The following GIGYF2 variants were observed in gnomAD, a reference collection of about 807,000 sequenced individuals.
GIGYF2 encodes the protein GRB10-interacting GYF protein 2.
Under a neutral mutation model 208.1 loss-of-function variants are expected in GIGYF2, and 25 were observed. The ratio of observed to expected loss-of-function variants is 0.12; its 90% CI spans 0.09 to 0.17. The LOEUF is 0.17. Among genes scored for constraint, GIGYF2 ranks in the 10% least tolerant of loss-of-function variants. The pLI, the probability that GIGYF2 is intolerant of heterozygous loss-of-function variation, is 1.00. For missense variants in GIGYF2, 1,302 were observed against 1,579.4 expected, an observed-to-expected ratio of 0.82 and a Z score of 2.98; for synonymous variants, 534 against 543.8, an observed-to-expected ratio of 0.98 and a Z score of 0.25.
At chr2:232,817,212 T>C (rs1033763419) in intron 20 of GIGYF2, among the ~76,000 whole-genome samples, 180 bp downstream of exon 20, 1 of 152,220 alleles carries the variant, frequency 6.6e-6, no homozygotes, top group African/African-American at 2.4e-5. Flanking sequence ...AGGGATATTC[T>C]TCAGTCCTAG....
intron 2 of GIGYF2, among the ~76,000 whole-genome samples, chr2:232,710,692 CTTT>C (rs35154227): frequency 8.8e-6 from 1 of 113,938 alleles, no homozygotes; most frequent in South Asian, 3.0e-4. Flanking sequence ...TCTTGGTGTT[CTTT>C]TTTTTTTTTT....
At chr2:232,812,201 T>C (rs374225388) in intron 17 of GIGYF2, among the ~76,000 whole-genome samples, 190 bp from the exon 18 acceptor site, 1 of 152,172 alleles carries the variant, frequency 6.6e-6, no homozygotes, top group East Asian at 1.9e-4. Context: ...ATTCCAGAAG[T>C]GTGATCATTG....
chr2:232,768,804 A>G, intron 8 of GIGYF2: 1 of 1,605,686 alleles, frequency 6.2e-7, no homozygotes, highest in Non-Finnish European at 8.5e-7. Flanking sequence ...AATCTTCGCC[A>G]CAAAAGCACC....
chr2:232,729,658 T>C, intron 2 of GIGYF2: 1 of 981,240 alleles, frequency 1.0e-6, no homozygotes. Context: ...TAATTCTGTA[T>C]CCCACTTGAA....
At chr2:232,733,863 A>G (rs962764923) in intron 2 of GIGYF2, among the ~76,000 whole-genome samples, 2 of 152,204 alleles carry the variant, frequency 1.3e-5, no homozygotes, top group Admixed American at 6.5e-5. Flanking sequence ...GTGTCTATAC[A>G]TGTTGGTACA....
chr2:232,731,869 A>T (rs2106290685), intron 2 of GIGYF2, among the ~76,000 whole-genome samples: 1 of 137,524 alleles, frequency 7.3e-6, no homozygotes, highest in Non-Finnish European at 1.6e-5. Context: ...TGTTAGAATT[A>T]TTTTATATTT....
intron 1 of GIGYF2, among the ~76,000 whole-genome samples, chr2:232,701,112 G>C (rs1412393116): frequency 1.3e-5 from 2 of 152,096 alleles, no homozygotes; most frequent in African/African-American, 4.8e-5. Flanking sequence ...GTTGAAAGCA[G>C]AAAGAGGTTT....
At position 232,787,240 on chromosome 2, in the gene GIGYF2, G is replaced by C; in HGVS notation, c.623G>C (p.Arg208Thr). Residue 208 changes from arginine (R) to threonine (T), a missense_variant, in exon 9 of 29, where the codon AGA (arginine) becomes ACA (threonine). Coordinates refer to ENST00000373563, the MANE Select transcript of GIGYF2 (RefSeq NM_001103146.3). ...RSESENWRIFREEQNGEDEDG... is the reference protein window; with the variant it reads ...RSESENWRIFTEEQNGEDEDG... Reference sequence around the variant, plus strand: ...GAAAGTGAAAATTGGCGCATCTTTAGAGAGGAACAAAATGGAGAAGATGAA... The same window carrying C: ...GAAAGTGAAAATTGGCGCATCTTTACAGAGGAACAAAATGGAGAAGATGAA... 6.2e-7 allele frequency: 1 copy of C among 1,614,068 alleles called. No homozygotes were observed. The highest frequency in any genetic ancestry group is 1.7e-4 in the Middle Eastern group (1 of 6,060).
At chr2:232,715,326 G>A (rs540859688) in intron 2 of GIGYF2, among the ~76,000 whole-genome samples, 1 of 152,198 alleles carries the variant, frequency 6.6e-6, no homozygotes, top group African/African-American at 2.4e-5. Flanking sequence ...TAATTTCATG[G>A]CATAGGTAAT....
intron 2 of GIGYF2, among the ~76,000 whole-genome samples, chr2:232,730,466 G>A (rs568225177): frequency 6.6e-6 from 1 of 151,498 alleles, no homozygotes; most frequent in African/African-American, 2.4e-5. Context: ...TTAGCTGGGT[G>A]TGGTGGTGCA....
chr2:232,746,103 C>G (rs1451818029), intron 3 of GIGYF2, among the ~76,000 whole-genome samples: 1 of 151,386 alleles, frequency 6.6e-6, no homozygotes, highest in Non-Finnish European at 1.5e-5. Flanking sequence ...ACAGAAAATA[C>G]AAAAATTACA....
chr2:232,852,033 A>G (rs1334680005), intron 28 of GIGYF2, among the ~76,000 whole-genome samples: 1 of 152,220 alleles, frequency 6.6e-6, no homozygotes, highest in Non-Finnish European at 1.5e-5. Flanking sequence ...TGAAATGATA[A>G]GCAGTGGAAC....
At position 232,788,901 on chromosome 2, in the gene GIGYF2, G is replaced by T. The variant is rs1488813432; in HGVS notation, c.712+1572G>T. On this transcript the variant is annotated intron_variant, in intron 9 of 28. Transcript: ENST00000373563. The stretch of plus-strand genomic sequence containing the variant: ...GATATAAAGATCCCCCAAATATAAA[G>T]TTTGGGTCTGAAAAAACAGTGTAAA... Among the ~76,000 whole-genome samples the T allele has an allele frequency of 2.6e-5, 4 of 151,864 alleles. No individual in the cohort carries two copies. The East Asian group carries it at 7.7e-4, about 29-fold the overall frequency.
intron 5 of GIGYF2, among the ~76,000 whole-genome samples, chr2:232,755,167 A>G (rs986309365): frequency 6.6e-6 from 1 of 151,886 alleles, no homozygotes; most frequent in African/African-American, 2.4e-5. Flanking sequence ...TTTTTACCTT[A>G]CTTCTTTCTT....
At chr2:232,852,169 G>T (rs1174281034) in intron 28 of GIGYF2, among the ~76,000 whole-genome samples, 3 of 152,182 alleles carry the variant, frequency 2.0e-5, no homozygotes, top group African/African-American at 7.2e-5. Context: ...CCCTTGGTAG[G>T]ATTCTCTCTT....
At position 232,778,717 on chromosome 2, in the gene GIGYF2, T is replaced by C. The variant is rs944714374; in HGVS notation, c.533-8433T>C. 2.5e-4 allele frequency among the ~76,000 whole-genome samples: 38 copies of C among 152,124 alleles called. 1 individual carries two copies. Among genetic ancestry groups the C allele is most frequent in the African/African-American group, 8.2e-4 (34 of 41,428 alleles). On this transcript the variant is annotated intron_variant, in intron 8 of 28. Transcript: ENST00000373563. ...TGAGACTTGAGGAAGGACCAGATGA[T>C]TGAAGTTCTTATAGCATTGGAATAG...
intron 7 of GIGYF2, 53 bp from the exon 8 acceptor site, chr2:232,761,343 G>A: frequency 2.5e-6 from 3 of 1,179,782 alleles, no homozygotes; most frequent in Admixed American, 1.7e-5. Context: ...GTCACAGATA[G>A]GAAATCTATA....
At chr2:232,835,912 G>A (rs1409943256) in intron 22 of GIGYF2, among the ~76,000 whole-genome samples, 4 of 148,612 alleles carry the variant, frequency 2.7e-5, no homozygotes, top group South Asian at 4.6e-4. Flanking sequence ...TGGCTGCAGC[G>A]CTGACCCCGA....
Position 232,858,688 on chromosome 2 carries a change from C to G in GIGYF2, c.*1828C>G, listed in dbSNP as rs959863024. On this transcript the variant is annotated 3_prime_UTR_variant, in exon 29 of 29. Transcript: ENST00000373563. ...CTGAGTTCTGCACTAAACTGTTCCT[C>G]TTGGTACCATGGAAAAGCTCCAAGC... 2.7e-6 allele frequency: 1 copy of G among 374,572 alleles called. No homozygotes were observed. Among genetic ancestry groups the G allele is most frequent in the Non-Finnish European group, 5.2e-6 (1 of 192,398 alleles). 23.2% of individuals were successfully genotyped at this position (374,572 alleles called of 1,614,324 possible). A position where few individuals can be genotyped will look rare whatever the true frequency, so the allele number is the denominator to read the frequency against.
Sources: gnomAD v4.1 joint callset for allele counts (sites outside exome capture counted in the v4.1 genomes callset) on GRCh38, gnomAD v4.1.1 for gene constraint, MANE v1.5 for transcripts, NCBI Gene and HGNC (gene_info 2026-07-23, HGNC 2026-07-21) for gene names.